The following DICER1 variants were observed in gnomAD, a reference collection of about 807,000 sequenced individuals.
The protein encoded by DICER1 is dicer 1, ribonuclease III.
In DICER1, 43 loss-of-function variants were observed where a neutral mutation model predicts 194.1. That is an observed-to-expected ratio of 0.22 (90% CI 0.17 to 0.29). DICER1 has a LOEUF of 0.29. Among genes scored for constraint, DICER1 ranks in the 10% least tolerant of loss-of-function variants. The probability of loss-of-function intolerance (pLI) is 1.00; values close to 1 mark genes in which losing one functional copy is unlikely to be tolerated. For synonymous variants in DICER1, 832 were observed against 820.5 expected, an observed-to-expected ratio of 1.01 and a Z score of -0.24; for missense variants, 1,608 against 2,317.0, an observed-to-expected ratio of 0.69 and a Z score of 6.28.
At chr14:95,151,818 G>T (rs555451509) in intron 1 of DICER1, among the ~76,000 whole-genome samples, 1 of 152,156 alleles carries the variant, frequency 6.6e-6, no homozygotes, top group Admixed American at 6.5e-5. Context: ...TCACCTCCCA[G>T]GATGTTACCA....
At chr14:95,143,074 A>G (rs1344764843) in intron 1 of DICER1, among the ~76,000 whole-genome samples, 1 of 152,216 alleles carries the variant, frequency 6.6e-6, no homozygotes, top group African/African-American at 2.4e-5. Context: ...ACTTCTATAA[A>G]GTTCCAGGAT....
chr14:95,137,889 C>T (rs536668270), intron 1 of DICER1: 4 of 154,812 alleles, frequency 2.6e-5, no homozygotes, highest in Admixed American at 1.3e-4. Flanking sequence ...GACAGTTCTT[C>T]CTCGGCACAA....
Position 95,124,577 on chromosome 14 carries a change from T to C in DICER1, c.995A>G (p.Tyr332Cys). 1 of 1,613,862 alleles carries C rather than the reference T, an allele frequency of 6.2e-7. No individual in the cohort carries two copies. Among genetic ancestry groups the C allele is most frequent in the Non-Finnish European group, 8.5e-7 (1 of 1,180,026 alleles). ...CAGCTCCTCTTGCTCATGTTTGATG[T>C]ATTTCTGTAGTTCTCTTACCATCAT... Reference protein sequence around the residue: ...AGMMVRELQKYIKHEQEELHR... With the variant: ...AGMMVRELQKCIKHEQEELHR... The change falls in exon 8 of 27, where the codon TAC becomes TGC. Residue 332 changes from tyrosine to cysteine, a missense_variant. This residue lies in a region of DICER1 where 657 missense variants were observed against 910.1 expected (regional missense o/e 0.72). Coordinates refer to ENST00000343455, the MANE Select transcript of DICER1 (RefSeq NM_177438.3). The surrounding 1 kb of genome is among the most constrained non-coding windows in gnomAD (Gnocchi z 4.5).
chr14:95,108,594 A>C (rs1003106342), intron 14 of DICER1, 91 bp from the exon 15 acceptor site: 10 of 1,185,036 alleles, frequency 8.4e-6, no homozygotes, highest in African/African-American at 3.0e-5. Flanking sequence ...TTCTGGCTTT[A>C]CTAAAAGCTG....
At chr14:95,136,731 A>T (rs184480459) in intron 1 of DICER1, 2 of 152,378 alleles carry the variant, frequency 1.3e-5, no homozygotes, top group African/African-American at 4.8e-5. Flanking sequence ...AAGATGACTC[A>T]TGAAATTATT....
At chr14:95,117,423 T>C (rs900566763) in intron 9 of DICER1, among the ~76,000 whole-genome samples, 199 bp downstream of exon 9, 1 of 152,220 alleles carries the variant, frequency 6.6e-6, no homozygotes, top group East Asian at 1.9e-4. Context: ...GTTTGCCAGA[T>C]AGCTATTCTA....
In DICER1 at chr14:95,091,262, C is replaced by T. The variant is rs2139777295; in HGVS notation, c.5468G>A (p.Ser1823Asn). 1 of 1,614,166 alleles carries T rather than the reference C, an allele frequency of 6.2e-7. No homozygotes were observed. The highest frequency in any genetic ancestry group is 8.5e-7 in the Non-Finnish European group (1 of 1,180,034). Residue 1823 changes from serine (S) to asparagine (N), a missense_variant, in exon 25 of 27, where the codon AGT becomes AAT. Coordinates refer to ENST00000343455, the MANE Select transcript of DICER1 (RefSeq NM_177438.3). ...CCAGACTGTCTCCAGTGACATCCCA[C>T]TATCCATGTAAATGGCACCAGCAAG... ...ESLAGAIYMD[S>N]GMSLETVWQV...
At chr14:95,099,695 A>G (rs1890679150) in intron 22 of DICER1, 85 bp downstream of exon 22, 3 of 1,506,708 alleles carry the variant, frequency 2.0e-6, no homozygotes, top group Non-Finnish European at 1.8e-6. Flanking sequence ...TAATAAAACA[A>G]ATTATTTGGC....
At chr14:95,090,880 A>C in intron 26 of DICER1, 154 bp downstream of exon 26, 1 of 977,456 alleles carries the variant, frequency 1.0e-6, no homozygotes, top group Admixed American at 2.2e-5. Flanking sequence ...ACAGAAGGAA[A>C]AAAGAGAAGT....
rs1060503623 is a variant in DICER1, at chr14:95,124,316, T to C, written c.1256A>G (p.Asp419Gly). The C allele has an allele frequency of 6.2e-7, 1 of 1,613,974 alleles. No homozygotes were observed. Among genetic ancestry groups the C allele is most frequent in the Non-Finnish European group, 8.5e-7 (1 of 1,179,902 alleles). Residue 419 changes from aspartate to glycine, a missense_variant, in exon 8 of 27, where the codon GAT (aspartate) becomes GGT (glycine). Physicochemically the swap from Asp to Gly is moderately conservative, Grantham distance 94 (BLOSUM62 -1). This residue lies in a region of DICER1 where 657 missense variants were observed against 910.1 expected (regional missense o/e 0.72). Transcript: ENST00000343455. This position sits in a 1 kb window ranked among gnomAD's most constrained non-coding sequence, Gnocchi z 4.5. ...TTTTTCTTCAATTTCTTCATCCTCA[T>C]CATCATCCTCAGAATCACTCCATGA... The part of the protein sequence containing the change: ...YVSWSDSEDD[D>G]EDEEIEEKEK...
intron 11 of DICER1, among the ~76,000 whole-genome samples, chr14:95,115,420 C>T (rs1161844233): frequency 6.6e-6 from 1 of 151,670 alleles, no homozygotes. Flanking sequence ...TAAATTAAAC[C>T]TAATTTAAAA....
Position 95,096,684 on chromosome 14 carries a change from T to C in DICER1, c.4236A>G (p.Lys1412=), listed in dbSNP as rs760686812. The change falls in exon 23 of 27, where the codon AAA becomes AAG. Residue 1412 remains lysine (K), a synonymous_variant. Coordinates refer to ENST00000343455, the MANE Select transcript of DICER1 (RefSeq NM_177438.3). ...MTKDCMLANG[K]LDEDYEEEDE... ...CCTCCTCCTCGTAATCCTCATCCAG[T>C]TTGCCATTCGCCAGCATGCAGTCTT... 4 of 1,612,254 alleles carry C rather than the reference T, an allele frequency of 2.5e-6. No individual in the cohort carries two copies. The highest frequency in any genetic ancestry group is 2.5e-6 in the Non-Finnish European group (3 of 1,179,058).
chr14:95,109,897 C>T (rs953668253), intron 14 of DICER1, among the ~76,000 whole-genome samples: 4 of 152,310 alleles, frequency 2.6e-5, no homozygotes. Context: ...ACTTTTATTA[C>T]AGTATATGGT....
intron 26 of DICER1, 152 bp from the exon 27 acceptor site, chr14:95,090,815 AC>A (rs1209335348): frequency 9.7e-7 from 1 of 1,029,262 alleles, no homozygotes; most frequent in Non-Finnish European, 1.5e-6. Context: ...GCAATTGCAT[AC>A]CCCCGACAGA....
In DICER1 at chr14:95,115,769, T is replaced by C; in HGVS notation, c.1805A>G (p.Asp602Gly). Residue 602 changes from aspartate to glycine, a missense_variant, in exon 11 of 27, where the codon GAT (aspartate) becomes GGT (glycine). Asp to Gly is a moderately conservative substitution (Grantham distance 94). This residue lies in a region of DICER1 where 657 missense variants were observed against 910.1 expected (regional missense o/e 0.72). Coordinates refer to ENST00000343455, the MANE Select transcript of DICER1 (RefSeq NM_177438.3). Reference sequence around the variant, plus strand: ...AACGTCATCATCATCCATGACAGGATCAATGTCAGTCTCACCAGTATCAAC... The same window carrying C: ...AACGTCATCATCATCCATGACAGGACCAATGTCAGTCTCACCAGTATCAAC... ...KSVDTGETDI[D>G]PVMDDDDVFP... The C allele has an allele frequency of 6.2e-7, 1 of 1,614,132 alleles. No individual in the cohort carries two copies. The highest frequency in any genetic ancestry group is 8.5e-7 in the Non-Finnish European group (1 of 1,179,992).
At chr14:95,132,950 G>T (rs1412302123) in intron 2 of DICER1, among the ~76,000 whole-genome samples, 1 of 152,122 alleles carries the variant, frequency 6.6e-6, no homozygotes, top group Non-Finnish European at 1.5e-5. Context: ...TACTTCTTTA[G>T]AATAACATGA....
rs781253567 is a variant in DICER1 at position 95,113,198 on chromosome 14, G to A, written c.1934C>T (p.Pro645Leu). ...NRYCARLPSD[P>L]FTHLAPKCRT... ...GCATTTAGGAGCTAGATGAGTAAAC[G>A]GATCACTTGGTAATCTAGCACAGTA... The change falls in exon 12 of 27, where the codon CCG becomes CTG. Residue 645 changes from proline (P) to leucine (L), a missense_variant. By Grantham distance (98) the Pro-to-Leu change is moderately conservative. This residue lies in a region of DICER1 where 657 missense variants were observed against 910.1 expected (regional missense o/e 0.72). Transcript: ENST00000343455. The A allele has an allele frequency of 2.5e-6, 4 of 1,613,600 alleles. No homozygotes were observed. The highest frequency in any genetic ancestry group is 2.2e-5 in the East Asian group (1 of 44,878).
rs1889368645 is a variant in DICER1, at chr14:95,086,770, A to C, written c.*3728T>G. On this transcript the variant is annotated 3_prime_UTR_variant, in exon 27 of 27. Coordinates refer to ENST00000343455, the MANE Select transcript of DICER1 (RefSeq NM_177438.3). ...TAGTCTTGGTCTTAAACATATCTTT[A>C]AAACTTTTCATGTACAATATAAAAT... The C allele has an allele frequency of 4.3e-6, 1 of 232,560 alleles. No homozygotes were observed. Among genetic ancestry groups the C allele is most frequent in the African/African-American group, 2.2e-5 (1 of 45,332 alleles). 14.4% of individuals were successfully genotyped at this position (232,560 alleles called of 1,614,324 possible).
In DICER1 at chr14:95,100,875, C is replaced by A. The variant is rs78403137; in HGVS notation, c.4051-940G>T. Among the ~76,000 whole-genome samples, 90 of 152,274 alleles carry A rather than the reference C, an allele frequency of 5.9e-4. 1 individual carries two copies. The East Asian group carries it at 0.015, about 25-fold the overall frequency. On this transcript the variant is annotated intron_variant, in intron 21 of 26. Coordinates refer to ENST00000343455, the MANE Select transcript of DICER1 (RefSeq NM_177438.3). The stretch of plus-strand genomic sequence containing the variant: ...GCAGTCCTCGTGACACACAGGCTAG[C>A]AGGGAAAAGGAGGGTACGTGTGACC...
Sources: allele counts gnomAD v4.1 joint callset (sites outside exome capture counted in the v4.1 genomes callset), GRCh38; gene constraint gnomAD v4.1.1; regional missense constraint gnomAD v4.1.1; non-coding constraint Gnocchi (gnomAD v3.1); transcripts MANE v1.5; gene names NCBI Gene and HGNC (gene_info 2026-07-23, HGNC 2026-07-21).